The following MAN1C1 variants were observed in gnomAD, a reference collection of about 807,000 sequenced individuals.
MAN1C1 encodes the protein mannosidase alpha class 1C member 1.
Under a neutral mutation model 71.5 loss-of-function variants are expected in MAN1C1, and 49 were observed. The ratio of observed to expected loss-of-function variants is 0.69; its 90% CI spans 0.54 to 0.87. The LOEUF (loss-of-function observed/expected upper bound fraction) is 0.87, where lower values mean the gene tolerates loss of function less well. Among genes scored for constraint, MAN1C1 ranks in the 40% least tolerant of loss-of-function variants. The pLI, the probability that MAN1C1 is intolerant of heterozygous loss-of-function variation, is 0.00. For synonymous variants in MAN1C1, 352 were observed against 343.7 expected, an observed-to-expected ratio of 1.02 and a Z score of -0.27; for missense variants, 743 against 835.0, an observed-to-expected ratio of 0.89 and a Z score of 1.36.
chr1:25,765,676 C>T (rs2047417877), intron 7 of MAN1C1, among the ~76,000 whole-genome samples: 1 of 152,220 alleles, frequency 6.6e-6, no homozygotes. Flanking sequence ...TCACTTCCAT[C>T]TGCCAAAGAT....
At chr1:25,633,638 TCCACCCC>T (rs1169550194) in intron 1 of MAN1C1, among the ~76,000 whole-genome samples, 1 of 152,144 alleles carries the variant, frequency 6.6e-6, no homozygotes, top group Non-Finnish European at 1.5e-5. Context: ...AATATCTTTT[TCCACCCC>T]TTTACTTTGA....
At chr1:25,627,918 C>T (rs1289817856) in intron 1 of MAN1C1, among the ~76,000 whole-genome samples, 1 of 151,004 alleles carries the variant, frequency 6.6e-6, no homozygotes, top group Admixed American at 6.6e-5. Context: ...TGATGGTGCA[C>T]ACCTATGGTT....
Position 25,778,137 on chromosome 1 carries a change from C to G in MAN1C1, c.1290C>G (p.Pro430=). 1 of 1,590,028 alleles carries G rather than the reference C, an allele frequency of 6.3e-7. No homozygotes were observed. Among genetic ancestry groups the G allele is most frequent in the Non-Finnish European group, 8.6e-7 (1 of 1,165,478 alleles). Residue 430 remains proline, a synonymous_variant, in exon 9 of 12, where the codon CCC becomes CCG. Coordinates refer to ENST00000374332, the MANE Select transcript of MAN1C1 (RefSeq NM_020379.4). This position sits in a 1 kb window ranked among gnomAD's most constrained non-coding sequence, Gnocchi z 5.5. ...AIETYLLNVS[P]GGLTYIAEWR... Reference sequence around the variant, plus strand: ...AGACCTACTTGCTGAATGTCTCTCCCGGGGGGCTGACCTACATTGCCGAGT... The same window carrying G: ...AGACCTACTTGCTGAATGTCTCTCCGGGGGGGCTGACCTACATTGCCGAGT...
At chr1:25,716,582 C>G (rs1214681903) in intron 2 of MAN1C1, among the ~76,000 whole-genome samples, 1 of 152,186 alleles carries the variant, frequency 6.6e-6, no homozygotes, top group East Asian at 1.9e-4. Context: ...CCACCTTGGC[C>G]TCCCAAACAG....
chr1:25,686,384 G>C, intron 1 of MAN1C1, 56 bp from the exon 2 acceptor site: 1 of 1,475,082 alleles, frequency 6.8e-7, no homozygotes, highest in Non-Finnish European at 9.5e-7. Context: ...GGCGGCCAGT[G>C]CGCACTGCCA....
chr1:25,710,112 A>G (rs2046594515), intron 2 of MAN1C1: 1 of 152,152 alleles, frequency 6.6e-6, no homozygotes, highest in Admixed American at 6.6e-5. Context: ...TTTTTGTTCA[A>G]TCCATACTCT....
At chr1:25,623,342 T>C (rs950103739) in intron 1 of MAN1C1, among the ~76,000 whole-genome samples, 2 of 152,168 alleles carry the variant, frequency 1.3e-5, no homozygotes, top group Admixed American at 6.5e-5. Flanking sequence ...CCAGGAGCAA[T>C]TGCTTCTTAG....
chr1:25,750,774 A>G (rs919972886), intron 4 of MAN1C1, among the ~76,000 whole-genome samples: 8 of 152,186 alleles, frequency 5.3e-5, no homozygotes, highest in Non-Finnish European at 1.2e-4. Flanking sequence ...GAACAGGAAA[A>G]TGACAGAAGG....
chr1:25,700,937 C>G (rs1245537686), intron 2 of MAN1C1, among the ~76,000 whole-genome samples: 1 of 152,240 alleles, frequency 6.6e-6, no homozygotes. Context: ...CAGGCACCCC[C>G]CAGATGGCTG....
intron 2 of MAN1C1, among the ~76,000 whole-genome samples, chr1:25,724,802 C>T (rs1323063534): frequency 6.6e-6 from 1 of 152,180 alleles, no homozygotes; most frequent in African/African-American, 2.4e-5. Flanking sequence ...GATTTGCATT[C>T]AGTTAAAAGA....
At chr1:25,773,949 C>T (rs2047586617) in intron 8 of MAN1C1, among the ~76,000 whole-genome samples, 1 of 152,144 alleles carries the variant, frequency 6.6e-6, no homozygotes, top group Non-Finnish European at 1.5e-5. Flanking sequence ...TCAGACTGCA[C>T]CCCTGACTCA....
intron 1 of MAN1C1, among the ~76,000 whole-genome samples, chr1:25,671,984 G>A (rs189702304): frequency 3.9e-5 from 6 of 152,346 alleles, no homozygotes; most frequent in African/African-American, 9.6e-5. Context: ...TTCCACAACA[G>A]GCCATCTGTA....
intron 5 of MAN1C1, among the ~76,000 whole-genome samples, chr1:25,757,738 G>A (rs1203206975): frequency 6.6e-6 from 1 of 152,252 alleles, no homozygotes; most frequent in Non-Finnish European, 1.5e-5. Context: ...GAGACTTTCA[G>A]TGAATGCTCC....
intron 2 of MAN1C1, among the ~76,000 whole-genome samples, chr1:25,721,457 C>T (rs1215839047): frequency 1.3e-5 from 2 of 152,010 alleles, no homozygotes; most frequent in African/African-American, 4.8e-5. Flanking sequence ...CTTTAATTTC[C>T]CTCAACAATA....
chr1:25,768,223 T>C (rs1325349321), intron 7 of MAN1C1, among the ~76,000 whole-genome samples: 1 of 48,890 alleles, frequency 2.0e-5, no homozygotes, highest in Non-Finnish European at 3.8e-5. Context: ...CATACACACA[T>C]TACACACACT....
chr1:25,720,936 C>T (rs3014699), intron 2 of MAN1C1, among the ~76,000 whole-genome samples: 6,429 of 152,126 alleles, frequency 0.042, 445 homozygotes, highest in African/African-American at 0.14. Flanking sequence ...TGTTCTTTTC[C>T]GATTGAGTTG....
intron 1 of MAN1C1, among the ~76,000 whole-genome samples, chr1:25,618,774 CA>C (rs939156490): frequency 1.3e-5 from 2 of 152,050 alleles, no homozygotes; most frequent in African/African-American, 4.8e-5. Flanking sequence ...ACCTTAAGTC[CA>C]AAACCCCTAT....
intron 7 of MAN1C1, among the ~76,000 whole-genome samples, chr1:25,766,141 A>C (rs893140219): frequency 6.6e-6 from 1 of 152,134 alleles, no homozygotes; most frequent in African/African-American, 2.4e-5. Context: ...CGGGAAGCAT[A>C]ATTTTCTTCT....
chr1:25,705,287 A>C (rs2046505653), intron 2 of MAN1C1, among the ~76,000 whole-genome samples: 5 of 152,256 alleles, frequency 3.3e-5, no homozygotes, highest in Admixed American at 3.3e-4. Flanking sequence ...GAAAGAGAAG[A>C]TATGTATTTC....
Sources: gnomAD v4.1 joint callset for allele counts (sites outside exome capture counted in the v4.1 genomes callset) on GRCh38, gnomAD v4.1.1 for gene constraint, Gnocchi (gnomAD v3.1) non-coding constraint, MANE v1.5 for transcripts, NCBI Gene and HGNC (gene_info 2026-07-23, HGNC 2026-07-21) for gene names.